ASL: variants seen among roughly 807,000 people sequenced by gnomAD.
The protein encoded by ASL is argininosuccinate lyase, also known as argininosuccinase.
A neutral mutation model predicts 69.1 loss-of-function variants in ASL; 51 were observed. The observed-to-expected ratio is 0.74, with a 90% CI of 0.59 to 0.93. The LOEUF is 0.93. Among genes scored for constraint, ASL ranks in the 40% least tolerant of loss-of-function variants. The pLI, the probability that ASL is intolerant of heterozygous loss-of-function variation, is 0.00. For synonymous variants in ASL, 241 were observed against 247.6 expected (o/e 0.97, Z 0.25); for missense variants, 540 against 623.9 (o/e 0.87, Z 1.43).
intron 1 of ASL, 61 bp from the exon 2 acceptor site, chr7:66,075,978 C>A (rs1786333352): frequency 4.7e-6 from 7 of 1,499,182 alleles, no homozygotes; most frequent in South Asian, 2.4e-5. Flanking sequence ...GAACTCGGAG[C>A]CAGCCCGGCC....
intron 14 of ASL, 143 bp downstream of exon 14, chr7:66,089,838 G>A: frequency 4.5e-6 from 4 of 892,132 alleles, no homozygotes; most frequent in Non-Finnish European, 5.3e-6. Flanking sequence ...CCTGCTCCTG[G>A]GGAACAGGGA....
In ASL at chr7:66,086,678, T is replaced by C. The variant is rs1157863245; in HGVS notation, c.524+16T>C. On this transcript the variant is annotated intron_variant, in intron 7 of 16. Transcript: ENST00000304874. ...GGATTCTGAGGTGAGCCAGGTGAGG[T>C]GCAGGGGCTGTGCTAGAGGGGAGGA... 5 of 1,613,656 alleles carry C rather than the reference T, an allele frequency of 3.1e-6. No homozygotes were observed. Among genetic ancestry groups the C allele is most frequent in the Non-Finnish European group, 3.4e-6 (4 of 1,179,990 alleles).
chr7:66,077,834 T>C (rs1269983402), intron 2 of ASL, among the ~76,000 whole-genome samples: 6 of 152,110 alleles, frequency 3.9e-5, no homozygotes, highest in African/African-American at 1.4e-4. Flanking sequence ...CAGTGCCCCA[T>C]CCCCTGGCCC....
At chr7:66,087,194 G>A (rs1000485388) in intron 8 of ASL, 140 bp from the exon 9 acceptor site, 20 of 967,436 alleles carry the variant, frequency 2.1e-5, no homozygotes, top group Admixed American at 3.7e-5. Flanking sequence ...GAGGCTAAGC[G>A]CCAGGTGGTT....
chr7:66,092,003 C>T lies in ASL; in HGVS notation c.1063-3C>T, dbSNP rs1786857189. 6.2e-7 allele frequency: 1 copy of T among 1,613,516 alleles called. No individual in the cohort carries two copies. Among genetic ancestry groups the T allele is most frequent in the Non-Finnish European group, 8.5e-7 (1 of 1,180,022 alleles). ...CTCACCACTCGCCCACCTGTGCCCC[C>T]AGATTCACCAAGAGAACATGGGACA... On this transcript the variant is annotated splice_polypyrimidine_tract_variant and splice_region_variant and intron_variant, in intron 14 of 16. Coordinates refer to ENST00000304874, the MANE Select transcript of ASL (RefSeq NM_000048.4).
intron 9 of ASL, 48 bp from the exon 10 acceptor site, chr7:66,087,681 G>T: frequency 6.2e-7 from 1 of 1,609,688 alleles, no homozygotes; most frequent in Non-Finnish European, 8.5e-7. Context: ...GGGAGAGGGG[G>T]CCACTCCCTG....
In ASL at chr7:66,087,510, A is replaced by G. The variant is rs313829; in HGVS notation, c.655+124A>G. 865,025 of 1,253,504 alleles carry G rather than the reference A, an allele frequency of 0.69. 300,987 individuals are homozygous for G. The highest frequency in any genetic ancestry group is 0.79 in the African/African-American group (53,493 of 67,288). The allele number at this position is 1,253,504 out of a possible 1,614,324, so 77.6% of individuals were successfully genotyped here. Reference sequence around the variant, plus strand: ...CTGGTGAAACCTTCATTCATTGCCTATGGGCACTGAGGTCATCAAGTTCAG... The same window carrying G: ...CTGGTGAAACCTTCATTCATTGCCTGTGGGCACTGAGGTCATCAAGTTCAG... On this transcript the variant is annotated intron_variant, in intron 9 of 16. Coordinates refer to ENST00000304874, the MANE Select transcript of ASL (RefSeq NM_000048.4).
chr7:66,090,895 C>T (rs184934775), intron 14 of ASL, among the ~76,000 whole-genome samples: 5 of 151,992 alleles, frequency 3.3e-5, no homozygotes, highest in Admixed American at 2.0e-4. Flanking sequence ...GTCAGGAGTT[C>T]GAGACCAGCC....
intron 2 of ASL, among the ~76,000 whole-genome samples, chr7:66,077,720 C>T (rs1786387739): frequency 6.6e-6 from 1 of 152,132 alleles, no homozygotes; most frequent in Admixed American, 6.6e-5. Context: ...CAAAGCAAGA[C>T]TCCACCTCAA....
At chr7:66,091,375 T>A (rs1019236818) in intron 14 of ASL, among the ~76,000 whole-genome samples, 2 of 152,016 alleles carry the variant, frequency 1.3e-5, no homozygotes, top group African/African-American at 2.4e-5. Flanking sequence ...CTGAGCAACA[T>A]AGCGAGACCT....
Position 66,086,756 on chromosome 7 carries a change from A to T in ASL, c.537A>T (p.Ala179=). 6.2e-7 allele frequency: 1 copy of T among 1,604,686 alleles called. No individual in the cohort carries two copies. The highest frequency in any genetic ancestry group is 8.5e-7 in the Non-Finnish European group (1 of 1,176,216). Residue 179 remains alanine (A), a synonymous_variant, in exon 8 of 17, where the codon GCA becomes GCT. Coordinates refer to ENST00000304874, the MANE Select transcript of ASL (RefSeq NM_000048.4). ...TGGCTTCCCACAGCCACGCCGTGGC[A>T]CTGACCCGAGACTCTGAGCGGCTGC... is the stretch of plus-strand genomic sequence containing the variant. The part of the protein sequence containing the change: ...WSHWILSHAV[A]LTRDSERLLE...
In ASL at chr7:66,089,118, G is replaced by T; in HGVS notation, c.861G>T (p.Lys287Asn). Residue 287 changes from lysine to asparagine, a missense_variant, in exon 12 of 17, where the codon AAG becomes AAT. Coordinates refer to ENST00000304874, the MANE Select transcript of ASL (RefSeq NM_000048.4). ...YSTGSSLMPQKKNPDSLELIR... is the reference protein window; with the variant it reads ...YSTGSSLMPQNKNPDSLELIR... Reference sequence around the variant, plus strand: ...CGGGAAGCAGCCTGATGCCCCAGAAGAAAAACCCCGACAGTTTGGAGCTGA... The same window carrying T: ...CGGGAAGCAGCCTGATGCCCCAGAATAAAAACCCCGACAGTTTGGAGCTGA... 2 of 1,613,840 alleles carry T rather than the reference G, an allele frequency of 1.2e-6. No individual in the cohort carries two copies. The highest frequency in any genetic ancestry group is 1.7e-6 in the Non-Finnish European group (2 of 1,179,904).
intron 14 of ASL, 133 bp downstream of exon 14, chr7:66,089,828 C>T (rs987460452): frequency 4.2e-6 from 4 of 955,594 alleles, no homozygotes; most frequent in African/African-American, 1.6e-5. Context: ...TGTGCTCGCT[C>T]CTGCTCCTGG....
At chr7:66,082,030 C>T (rs150156978) in intron 3 of ASL, 33 bp downstream of exon 3, 1 of 1,572,828 alleles carries the variant, frequency 6.4e-7, no homozygotes, top group African/African-American at 1.3e-5. Context: ...CACCCAAGGC[C>T]CCTTCCCTGT....
intron 2 of ASL, among the ~76,000 whole-genome samples, chr7:66,077,040 C>A (rs530230193): frequency 6.6e-6 from 1 of 152,272 alleles, no homozygotes; most frequent in East Asian, 1.9e-4. Context: ...CCCTTTAAAC[C>A]TCTTTCCTCA....
rs160644 is a variant in ASL, at chr7:66,093,199, C to T, written c.*287C>T. On this transcript the variant is annotated 3_prime_UTR_variant, in exon 17 of 17. Transcript: ENST00000304874. Reference sequence around the variant, plus strand: ...TGGCGTGGTGGCCCATGCATATAGTCCCAGCTACTTGTAAGGCTGAGGTGA... The same window carrying T: ...TGGCGTGGTGGCCCATGCATATAGTTCCAGCTACTTGTAAGGCTGAGGTGA... The T allele has an allele frequency of 0.12, 61,098 of 509,428 alleles. 4,343 individuals are homozygous for T. Among genetic ancestry groups the T allele is most frequent in the Middle Eastern group, 0.23 (409 of 1,766 alleles). 31.6% of individuals were successfully genotyped at this position (509,428 alleles called of 1,614,324 possible).
At chr7:66,088,780 C>CT (rs1337685924) in intron 10 of ASL, 27 bp from the exon 11 acceptor site, 3 of 1,594,056 alleles carry the variant, frequency 1.9e-6, no homozygotes, top group Non-Finnish European at 2.6e-6. Flanking sequence ...TGGGAGAGGC[C>CT]TGGTGACTGG....
At chr7:66,084,472 A>T (rs928011778) in intron 6 of ASL, among the ~76,000 whole-genome samples, 1 of 151,602 alleles carries the variant, frequency 6.6e-6, no homozygotes, top group South Asian at 2.1e-4. Flanking sequence ...TAATTTTTAA[A>T]TTTTTAACTT....
At position 66,089,345 on chromosome 7, in the gene ASL, CG is replaced by C. The variant is rs535066653; in HGVS notation, c.978+15del. The C allele has an allele frequency of 2.8e-4, 449 of 1,598,836 alleles. 1 individual carries two copies. The African/African-American group carries it at 5.5e-3, about 19-fold the overall frequency. On this transcript the variant is annotated intron_variant, in intron 13 of 16. Transcript: ENST00000304874. ...CAACAAAGACTTACAGGTGCGAGGC[CG>C]GGGGAGGCCTGGCTAGTACGTGCCA...
Sources: allele counts gnomAD v4.1 joint callset (sites outside exome capture counted in the v4.1 genomes callset), GRCh38; gene constraint gnomAD v4.1.1; transcripts MANE v1.5; gene names NCBI Gene and HGNC (gene_info 2026-07-23, HGNC 2026-07-21).